The following MYL5 variants were observed in gnomAD, a reference collection of about 807,000 sequenced individuals.
MYL5 encodes the protein myosin light chain 5.
Under a neutral mutation model 20.8 loss-of-function variants are expected in MYL5, and 28 were observed. That is an observed-to-expected ratio of 1.35 (90% CI 1.00 to 1.84). The LOEUF (loss-of-function observed/expected upper bound fraction) is 1.84, where lower values mean the gene tolerates loss of function less well. Among genes scored for constraint, MYL5 ranks in the 40% most tolerant of loss-of-function variants. The pLI is 0.00. For missense variants in MYL5, 274 were observed against 227.3 expected (o/e 1.21, Z -1.32); for synonymous variants, 118 against 87.4 (o/e 1.35, Z -1.95).
At chr4:676,926 C>T (rs1738897504), upstream of MYL5, 1 of 985,408 alleles carries the variant, frequency 1.0e-6, no homozygotes, top group Admixed American at 6.1e-5. Context: ...GGGATGGCAC[C>T]AGGCAGCATC....
chr4:679,245 G>T, intron 3 of MYL5: 1 of 679,958 alleles, frequency 1.5e-6, no homozygotes, highest in Non-Finnish European at 2.6e-6. Context: ...AGGGTGGGTG[G>T]GACAGCCCAA....
intron 6 of MYL5, 82 bp downstream of exon 8, chr4:681,222 C>A (rs1169545339): frequency 1.3e-6 from 2 of 1,510,698 alleles, no homozygotes; most frequent in Non-Finnish European, 1.8e-6. Context: ...GGACGCGGAG[C>A]CCGAGGAGCA....
At chr4:676,234 G>A (rs532898497), upstream of MYL5, 38 of 152,390 alleles carry the variant, frequency 2.5e-4, no homozygotes, top group African/African-American at 8.7e-4. Context: ...TCCCTTCACT[G>A]GAGTTTAAAA....
At chr4:676,950 A>T (rs1484395746), upstream of MYL5, 1 of 984,942 alleles carries the variant, frequency 1.0e-6, no homozygotes, top group African/African-American at 1.7e-5. Context: ...GGGGACGCCA[A>T]CTGTGACCAT....
intron 5 of MYL5, 142 bp downstream of exon 7, chr4:680,729 C>A: frequency 1.2e-6 from 1 of 849,088 alleles, no homozygotes; most frequent in Non-Finnish European, 1.8e-6. Flanking sequence ...GGAGCGAACC[C>A]AGGATCCCAG....
upstream of MYL5, among the ~76,000 whole-genome samples, chr4:677,174 A>G (rs943511595): frequency 2.0e-5 from 3 of 152,120 alleles, no homozygotes; most frequent in Admixed American, 1.3e-4. Context: ...GGGGGCTCCA[A>G]AAGCTTGTTC....
intron 3 of MYL5, among the ~76,000 whole-genome samples, chr4:679,452 C>T (rs1739219397): frequency 6.6e-6 from 1 of 152,000 alleles, no homozygotes; most frequent in Admixed American, 6.5e-5. Context: ...GCAGCACAGC[C>T]CGAGTGTGGT....
chr4:676,893 C>G (rs1240157581), upstream of MYL5: 5 of 985,374 alleles, frequency 5.1e-6, no homozygotes, highest in Non-Finnish European at 6.0e-6. Context: ...GGAGTCAGTG[C>G]TTCATAGAGG....
At position 678,134 on chromosome 4, in the gene MYL5, T is replaced by C; in HGVS notation, c.3+105T>C. On this transcript the variant is annotated intron_variant, in intron 1 of 6. Coordinates refer to ENST00000400159, the Ensembl canonical transcript of MYL5. ...GCGTGGGCGTGTCCGTGCTTGCGTG[T>C]GAATGCAGGTGTGGGCGTGTGCTCT... 1.9e-6 allele frequency: 3 copies of C among 1,560,064 alleles called. No individual in the cohort carries two copies. In the South Asian group the frequency reaches 3.5e-5, roughly 18 times the overall value.
chr4:680,627 A>G, intron 5 of MYL5, 40 bp downstream of exon 7: 1 of 1,594,852 alleles, frequency 6.3e-7, no homozygotes, highest in South Asian at 1.1e-5. Flanking sequence ...GCTTCCGGGG[A>G]ACCCCAGTGA....
At chr4:679,846 G>T (rs1001558060) in intron 3 of MYL5, 68 bp from the exon 6 acceptor site, 2 of 1,389,728 alleles carry the variant, frequency 1.4e-6, no homozygotes, top group East Asian at 4.6e-5. Flanking sequence ...CCCTGTGCTG[G>T]GGTCACCTGC....
chr4:679,119 G>A (rs778222116), intron 3 of MYL5, 86 bp downstream of exon 5: 19 of 1,321,398 alleles, frequency 1.4e-5, no homozygotes, highest in Non-Finnish European at 8.7e-6. Context: ...GCCCCTCCTC[G>A]AATGGAGCCA....
intron 6 of MYL5, 110 bp from the exon 9 acceptor site, chr4:681,783 C>A: frequency 8.1e-7 from 1 of 1,229,388 alleles, no homozygotes; most frequent in Non-Finnish European, 1.0e-6. Context: ...ACCCGGGCCC[C>A]TCCCCGCTCC....
intron 6 of MYL5, among the ~76,000 whole-genome samples, chr4:681,540 C>T (rs1161494307): frequency 6.7e-6 from 1 of 149,866 alleles, no homozygotes; most frequent in Non-Finnish European, 1.5e-5. Context: ...CGGTCCTCCC[C>T]GACGCTGCTG....
At chr4:678,794 C>G in intron 2 of MYL5, 29 bp downstream of exon 4, 1 of 1,607,732 alleles carries the variant, frequency 6.2e-7, no homozygotes, top group South Asian at 1.1e-5. Flanking sequence ...ACTGGGAGCC[C>G]CCACCCCCAG....
At chr4:680,231 G>A (rs1254617094) in intron 4 of MYL5, among the ~76,000 whole-genome samples, 1 of 152,078 alleles carries the variant, frequency 6.6e-6, no homozygotes, top group South Asian at 2.1e-4. Context: ...ACCCGCCGTC[G>A]ACACCTCTGT....
At chr4:678,959 C>A (rs1322062890) in exon 3 of MYL5, 3 of 1,613,656 alleles carry the variant, frequency 1.9e-6, no homozygotes, top group Admixed American at 3.3e-5. Flanking sequence ...GGTCCCCAGG[C>A]ATTCACACTC....
At chr4:681,952 G>A (rs1448739716) in exon 7 of MYL5, 5 of 1,353,092 alleles carry the variant, frequency 3.7e-6, no homozygotes, top group South Asian at 2.1e-5. Context: ...ACTACAAGGC[G>A]CTCAGCTACG....
At chr4:678,315 G>C in intron 1 of MYL5, 1 of 1,428,304 alleles carries the variant, frequency 7.0e-7, no homozygotes, top group Non-Finnish European at 9.2e-7. Context: ...CAAAATCCCG[G>C]TACCCAGAAC....
Sources: allele counts gnomAD v4.1 joint callset (sites outside exome capture counted in the v4.1 genomes callset), GRCh38; gene constraint gnomAD v4.1.1; transcripts MANE v1.5; gene names NCBI Gene and HGNC (gene_info 2026-07-23, HGNC 2026-07-21).